The following AKAP8 variants were observed in gnomAD, a reference collection of about 807,000 sequenced individuals.
AKAP8 encodes A-kinase anchor protein 8.
A neutral mutation model predicts 67.5 loss-of-function variants in AKAP8; 24 were observed. The observed-to-expected ratio is 0.36, with a 90% CI of 0.26 to 0.50. AKAP8 has a LOEUF of 0.50. Ranked by LOEUF, AKAP8 falls within the 20% of genes least tolerant of loss-of-function variation. AKAP8 has a pLI of 0.97. For missense variants in AKAP8, 971 were observed against 955.9 expected, an observed-to-expected ratio of 1.02 and a Z score of -0.21; for synonymous variants, 400 against 371.1, an observed-to-expected ratio of 1.08 and a Z score of -0.90.
chr19:15,377,822 C>A (rs1008559655), intron 1 of AKAP8, among the ~76,000 whole-genome samples: 2 of 152,128 alleles, frequency 1.3e-5, no homozygotes, highest in African/African-American at 4.8e-5. Context: ...AGTCCCAGAG[C>A]CTTCGCCTGG....
At chr19:15,363,312 G>A (rs1300989868) in intron 9 of AKAP8, among the ~76,000 whole-genome samples, 1 of 146,420 alleles carries the variant, frequency 6.8e-6, no homozygotes, top group African/African-American at 2.5e-5. Context: ...GGGAAGTGAG[G>A]AGACCCTCTG....
rs2048265998 is a variant in AKAP8 at position 15,354,775 on chromosome 19, G to T, written c.*140C>A. The T allele has an allele frequency of 4.1e-6, 4 of 965,458 alleles. No homozygotes were observed. Among genetic ancestry groups the T allele is most frequent in the African/African-American group, 3.2e-5 (2 of 61,560 alleles). 59.8% of individuals were successfully genotyped at this position (965,458 alleles called of 1,614,324 possible). On this transcript the variant is annotated 3_prime_UTR_variant, in exon 14 of 14. Transcript: ENST00000269701. ...ACAAGCCGTGAGAGGCACTGCTCAG[G>T]AGGAAACGCTGGGTCTCTTCACCAA...
Position 15,361,001 on chromosome 19 carries a change from T to C in AKAP8, c.1397-23A>G, listed in dbSNP as rs752091402. ...TCCCTGCCAGGAAACGCATGTCTTG[T>C]AGGATCTGGGACAGCAAGTGATGCT... On this transcript the variant is annotated intron_variant, in intron 11 of 13. Coordinates refer to ENST00000269701, the MANE Select transcript of AKAP8 (RefSeq NM_005858.4). The C allele has an allele frequency of 4.3e-6, 7 of 1,609,588 alleles. No homozygotes were observed. The South Asian group carries it at 6.6e-5, about 15-fold the overall frequency.
chr19:15,355,205 G>A lies in AKAP8; in HGVS notation c.1789C>T (p.Pro597Ser). The change falls in exon 14 of 14, where the codon CCA becomes TCA. Residue 597 changes from proline to serine, a missense_variant. By Grantham distance (74) the Pro-to-Ser change is moderately conservative. Coordinates refer to ENST00000269701, the MANE Select transcript of AKAP8 (RefSeq NM_005858.4). Reference sequence around the variant, plus strand: ...TCAGCCGGCTCCCCGCTGCTCTCTGGAGCGGGCGCTCCTTCCCCATCTACG... The same window carrying A: ...TCAGCCGGCTCCCCGCTGCTCTCTGAAGCGGGCGCTCCTTCCCCATCTACG... ...RAVDGEGAPA[P>S]ESSGEPAEDE... 6.2e-7 allele frequency: 1 copy of A among 1,611,440 alleles called. No homozygotes were observed. Among genetic ancestry groups the A allele is most frequent in the Non-Finnish European group, 8.5e-7 (1 of 1,180,028 alleles).
chr19:15,368,943 T>C (rs1967111797), intron 8 of AKAP8: 5 of 985,766 alleles, frequency 5.1e-6, no homozygotes, highest in Non-Finnish European at 6.0e-6. Flanking sequence ...CAATTGGTCC[T>C]CCCGTCCGTC....
rs998552858 is a variant in AKAP8 at position 15,360,446 on chromosome 19, C to A, written c.1527+402G>T. On this transcript the variant is annotated intron_variant, in intron 12 of 13. Coordinates refer to ENST00000269701, the MANE Select transcript of AKAP8 (RefSeq NM_005858.4). ...ACAAAATAAGGTATTTTTCCAGCAT[C>A]TTCAACACTTGACCCCTGGGCTCAA... 2.0e-5 allele frequency among the ~76,000 whole-genome samples: 3 copies of A among 152,334 alleles called. No individual in the cohort carries two copies. In the South Asian group the frequency reaches 6.2e-4, roughly 32 times the overall value.
At chr19:15,362,991 G>C (rs1966998198) in intron 9 of AKAP8, among the ~76,000 whole-genome samples, 1 of 151,408 alleles carries the variant, frequency 6.6e-6, no homozygotes, top group South Asian at 2.1e-4. Flanking sequence ...TGAGATGTGG[G>C]GAGCACCTCT....
Position 15,361,922 on chromosome 19 carries a change from C to T in AKAP8, c.1303-100G>A, listed in dbSNP as rs940370797. The T allele has an allele frequency of 1.7e-5, 23 of 1,372,224 alleles. No individual in the cohort carries two copies. The East Asian group carries it at 3.5e-4, about 21-fold the overall frequency. The allele number at this position is 1,372,224 out of a possible 1,614,324, so 85.0% of individuals were successfully genotyped here. A position where few individuals can be genotyped will look rare whatever the true frequency, so the allele number is the denominator to read the frequency against. The stretch of plus-strand genomic sequence containing the variant: ...AGGCAGGCAGCTATCAGAGCAGCTG[C>T]GTGGGGCAGCACAGCACGATGGCTG... On this transcript the variant is annotated intron_variant, in intron 10 of 13. Coordinates refer to ENST00000269701, the MANE Select transcript of AKAP8 (RefSeq NM_005858.4).
At chr19:15,375,608 C>T (rs1262898105) in intron 2 of AKAP8, among the ~76,000 whole-genome samples, 1 of 150,814 alleles carries the variant, frequency 6.6e-6, no homozygotes, top group Non-Finnish European at 1.5e-5. Context: ...TTAATTGTAA[C>T]AAATGCATCA....
intron 5 of AKAP8, among the ~76,000 whole-genome samples, chr19:15,372,632 C>G (rs1967178850): frequency 6.6e-6 from 1 of 151,962 alleles, no homozygotes; most frequent in South Asian, 2.1e-4. Flanking sequence ...GGGGAAGAGA[C>G]AGGGGTGACT....
In AKAP8 at chr19:15,372,241, C is replaced by T. The variant is rs766581299; in HGVS notation, c.968G>A (p.Ser323Asn). Reference protein sequence around the residue: ...EPDTKLARVDSEGDFSENDDA... With the variant: ...EPDTKLARVDNEGDFSENDDA... ...ACCATTTTCGGAGAAATCTCCTTCA[C>T]TGTCAACCCGGGCCAGTTTGGTGTC... Residue 323 changes from serine to asparagine, a missense_variant, in exon 6 of 14, where the codon AGT becomes AAT. Around this residue, in one of 3 missense-constraint regions of AKAP8, gnomAD observed 763 missense variants for 745.4 expected, o/e 1.02. Coordinates refer to ENST00000269701, the MANE Select transcript of AKAP8 (RefSeq NM_005858.4). The T allele has an allele frequency of 1.9e-6, 3 of 1,614,256 alleles. No homozygotes were observed. Among genetic ancestry groups the T allele is most frequent in the Admixed American group, 3.3e-5 (2 of 60,026 alleles).
chr19:15,355,885 A>T (rs1329256773), intron 13 of AKAP8, among the ~76,000 whole-genome samples: 1 of 151,770 alleles, frequency 6.6e-6, no homozygotes, highest in African/African-American at 2.4e-5. Context: ...TACAGGCAGG[A>T]GCCACCACGC....
chr19:15,376,684 T>C (rs1967258430), intron 2 of AKAP8, among the ~76,000 whole-genome samples: 1 of 152,208 alleles, frequency 6.6e-6, no homozygotes, highest in African/African-American at 2.4e-5. Flanking sequence ...CAAAAATATT[T>C]TGCCAAAATA....
chr19:15,362,283 C>G (rs749860723), intron 9 of AKAP8, 32 bp from the exon 10 acceptor site: 1 of 1,612,026 alleles, frequency 6.2e-7, no homozygotes, highest in East Asian at 2.2e-5. Context: ...GGGAGTGAAG[C>G]AGGGAGCATC....
intron 9 of AKAP8, among the ~76,000 whole-genome samples, chr19:15,362,603 G>A (rs1194436746): frequency 1.3e-5 from 2 of 149,968 alleles, no homozygotes; most frequent in Admixed American, 1.3e-4. Flanking sequence ...CGAGTGATCC[G>A]CCAGCCTCGG....
chr19:15,376,884 C>T (rs1967261891), intron 2 of AKAP8, 92 bp downstream of exon 2: 2 of 1,477,146 alleles, frequency 1.4e-6, no homozygotes, highest in South Asian at 2.4e-5. Flanking sequence ...CCCTGGGCTA[C>T]TACTCTCCCT....
At position 15,374,270 on chromosome 19, in the gene AKAP8, G is replaced by A. The variant is rs115465396; in HGVS notation, c.92-205C>T. On this transcript the variant is annotated intron_variant, in intron 3 of 13. Transcript: ENST00000269701. ...GAAAGGGGCAGCCTCAGTGCCGAGC[G>A]GCGGGTTTTCCATGCCAGACGCTAG... Among the ~76,000 whole-genome samples, 1,493 of 152,312 alleles carry A rather than the reference G, an allele frequency of 9.8e-3. 22 individuals carry two copies. Among genetic ancestry groups the A allele is most frequent in the African/African-American group, 0.035 (1,447 of 41,562 alleles).
chr19:15,361,185 C>T (rs895077772), intron 11 of AKAP8, among the ~76,000 whole-genome samples: 1 of 152,106 alleles, frequency 6.6e-6, no homozygotes, highest in Non-Finnish European at 1.5e-5. Flanking sequence ...CTGGTTGTTT[C>T]TTTTCAAACC....
intron 6 of AKAP8, 73 bp from the exon 7 acceptor site, chr19:15,372,071 G>T (rs1356170276): frequency 6.2e-7 from 1 of 1,609,296 alleles, no homozygotes; most frequent in Non-Finnish European, 8.5e-7. Flanking sequence ...TCCCAAGCTC[G>T]CCATCCAGGG....
Sources: gnomAD v4.1 joint callset for allele counts (sites outside exome capture counted in the v4.1 genomes callset) on GRCh38, gnomAD v4.1.1 for gene constraint, gnomAD v4.1.1 regional missense constraint, MANE v1.5 for transcripts, NCBI Gene and HGNC (gene_info 2026-07-23, HGNC 2026-07-21) for gene names.